The following CHMP5 variants were observed in gnomAD, a reference collection of about 807,000 sequenced individuals.
CHMP5 encodes the protein SNF7 domain containing 2.
CHMP5 carries 17 observed loss-of-function variants against 33.0 expected under a neutral mutation model. That is an observed-to-expected ratio of 0.52 (90% CI 0.35 to 0.77). CHMP5 has a LOEUF of 0.77. Among genes scored for constraint, CHMP5 ranks in the 30% least tolerant of loss-of-function variants. The probability of loss-of-function intolerance (pLI) is 0.01; values close to 1 mark genes in which losing one functional copy is unlikely to be tolerated. For synonymous variants in CHMP5, 76 were observed against 90.2 expected (o/e 0.84, Z 0.89); for missense variants, 216 against 261.5 (o/e 0.83, Z 1.20).
intron 3 of CHMP5, among the ~76,000 whole-genome samples, chr9:33,268,273 AG>A (rs1239878494): frequency 6.6e-6 from 1 of 152,212 alleles, no homozygotes; most frequent in East Asian, 1.9e-4. Context: ...CCAGATCTGT[AG>A]GGTTTGGTTT....
intron 2 of CHMP5, 55 bp downstream of exon 2, chr9:33,266,169 C>T (rs186707720): frequency 8.2e-7 from 1 of 1,226,546 alleles, no homozygotes; most frequent in Non-Finnish European, 1.2e-6. Context: ...GTTTTAGCAC[C>T]TATAGAAATA....
intron 2 of CHMP5, among the ~76,000 whole-genome samples, chr9:33,266,609 G>A (rs548002937): frequency 6.6e-6 from 1 of 152,174 alleles, no homozygotes; most frequent in Non-Finnish European, 1.5e-5. Flanking sequence ...TGGAAGGGAG[G>A]CTGGGGATTG....
chr9:33,271,453 G>A (rs1254590999), intron 5 of CHMP5, among the ~76,000 whole-genome samples: 3 of 152,190 alleles, frequency 2.0e-5, no homozygotes, highest in Non-Finnish European at 4.4e-5. Context: ...TCAACTTAAC[G>A]ATTTTTCAGT....
At chr9:33,271,023 A>G (rs886813330) in intron 4 of CHMP5, 129 bp from the exon 5 acceptor site, 2 of 712,652 alleles carry the variant, frequency 2.8e-6, no homozygotes, top group Non-Finnish European at 4.7e-6. Context: ...CGGAGGTTGC[A>G]GTGAGCCATT....
At chr9:33,265,354 C>A (rs906568064) in intron 1 of CHMP5, among the ~76,000 whole-genome samples, 2 of 152,128 alleles carry the variant, frequency 1.3e-5, no homozygotes, top group African/African-American at 4.8e-5. Context: ...AACCCCATCA[C>A]TGCCTTGCCC....
intron 6 of CHMP5, among the ~76,000 whole-genome samples, chr9:33,277,089 G>C (rs574281017): frequency 1.3e-5 from 2 of 151,520 alleles, no homozygotes; most frequent in East Asian, 1.9e-4. Flanking sequence ...CTAGCTACTC[G>C]GGAGGCTGAG....
chr9:33,269,397 G>A (rs1820766565), intron 3 of CHMP5, among the ~76,000 whole-genome samples: 1 of 152,276 alleles, frequency 6.6e-6, no homozygotes, highest in African/African-American at 2.4e-5. Context: ...CCACCTACTT[G>A]GGAGGCTGAG....
intron 3 of CHMP5, 138 bp downstream of exon 3, chr9:33,268,037 A>G (rs938612707): frequency 6.0e-6 from 4 of 666,912 alleles, no homozygotes; most frequent in African/African-American, 1.8e-5. Flanking sequence ...AATTAAATAC[A>G]GTTAGCTGGG....
Position 33,266,012 on chromosome 9 carries a change from G to A in CHMP5, c.72G>A (p.Val24=). ...TGCATTTGATATTTTCCCCTAAGGT[G>A]GACAGTAGAGCAGAATCCATTGACA... ...PPSLTDCIGT[V]DSRAESIDKK... Residue 24 remains valine (V), a splice_region_variant and synonymous_variant, in exon 2 of 8, where the codon GTG becomes GTA. Coordinates refer to ENST00000223500, the MANE Select transcript of CHMP5 (RefSeq NM_016410.6). 5 of 1,606,788 alleles carry A rather than the reference G, an allele frequency of 3.1e-6. No individual in the cohort carries two copies. Among genetic ancestry groups the A allele is most frequent in the Non-Finnish European group, 4.3e-6 (5 of 1,173,800 alleles).
chr9:33,270,525 T>G, intron 3 of CHMP5, 98 bp from the exon 4 acceptor site: 2 of 881,604 alleles, frequency 2.3e-6, no homozygotes, highest in Admixed American at 2.9e-5. Context: ...TGTTCCGTTG[T>G]TTTTTTTTTA....
Position 33,276,501 on chromosome 9 carries a change from A to G in CHMP5, c.433A>G (p.Ile145Val). Reference sequence around the variant, plus strand: ...GGATATGATGGAAGATGCAAATGAAATCCAAGAAGCACTGAGTCGCAGTTA... The same window carrying G: ...GGATATGATGGAAGATGCAAATGAAGTCCAAGAAGCACTGAGTCGCAGTTA... ...LEDMMEDANE[I>V]QEALSRSYGT... The change falls in exon 6 of 8, where the codon ATC becomes GTC. Residue 145 changes from isoleucine (I) to valine (V), a missense_variant. Coordinates refer to ENST00000223500, the MANE Select transcript of CHMP5 (RefSeq NM_016410.6). The G allele has an allele frequency of 6.2e-7, 1 of 1,612,462 alleles. No individual in the cohort carries two copies.
intron 6 of CHMP5, 66 bp from the exon 7 acceptor site, chr9:33,278,047 G>T: frequency 9.9e-7 from 1 of 1,006,060 alleles, no homozygotes; most frequent in South Asian, 1.4e-5. Flanking sequence ...CGATAAATGA[G>T]AGAAATTATT....
At chr9:33,270,593 T>C in intron 3 of CHMP5, 30 bp from the exon 4 acceptor site, 1 of 1,507,964 alleles carries the variant, frequency 6.6e-7, no homozygotes, top group Non-Finnish European at 9.2e-7. Flanking sequence ...CTGGTTCATA[T>C]ATTTGCCATT....
At chr9:33,274,906 G>A (rs183552646) in intron 5 of CHMP5, among the ~76,000 whole-genome samples, 80 of 152,260 alleles carry the variant, frequency 5.3e-4, no homozygotes, top group African/African-American at 1.8e-3. Context: ...ATGAGCCACC[G>A]CGCCTGGCCA....
chr9:33,270,324 TTGTC>T (rs1465058004), intron 3 of CHMP5, among the ~76,000 whole-genome samples: 2 of 152,202 alleles, frequency 1.3e-5, no homozygotes, highest in African/African-American at 2.4e-5. Flanking sequence ...TGTAAATACA[TTGTC>T]TGATGTTTGC....
intron 3 of CHMP5, 97 bp from the exon 4 acceptor site, chr9:33,270,524 GTT>G: frequency 1.1e-6 from 1 of 936,100 alleles, no homozygotes; most frequent in East Asian, 2.7e-5. Flanking sequence ...TTGTTCCGTT[GTT>G]TTTTTTTTAA....
chr9:33,279,010 G>A lies in CHMP5; in HGVS notation c.609+785G>A, dbSNP rs538641873. 3.9e-4 allele frequency among the ~76,000 whole-genome samples: 60 copies of A among 152,036 alleles called. 1 individual carries two copies. The highest frequency in any genetic ancestry group is 1.3e-3 in the African/African-American group (54 of 41,456). ...GTGATCTCAGCTCACTGCAACCTCC[G>A]CCCCCCTGGTTCAAGCAATCCTCGT... is the stretch of plus-strand genomic sequence containing the variant. On this transcript the variant is annotated intron_variant, in intron 7 of 7. Coordinates refer to ENST00000223500, the MANE Select transcript of CHMP5 (RefSeq NM_016410.6).
rs2118064740 is a variant in CHMP5 at position 33,281,703 on chromosome 9, T to G, written c.*844T>G. ...ACCATTTACTAACTACTGAGTAGTC[T>G]ATTCAACCTCTCTAACCTTCTGTTT... is the stretch of plus-strand genomic sequence containing the variant. On this transcript the variant is annotated 3_prime_UTR_variant, in exon 8 of 8. Coordinates refer to ENST00000223500, the MANE Select transcript of CHMP5 (RefSeq NM_016410.6). 6.6e-6 allele frequency: 1 copy of G among 152,356 alleles called. No individual in the cohort carries two copies. Among genetic ancestry groups the G allele is most frequent in the East Asian group, 1.9e-4 (1 of 5,192 alleles). The allele number at this position is 152,356 out of a possible 1,614,324, so 9.4% of individuals were successfully genotyped here. A position where few individuals can be genotyped will look rare whatever the true frequency, so the allele number is the denominator to read the frequency against.
chr9:33,265,780 A>T (rs1211403459), intron 1 of CHMP5, among the ~76,000 whole-genome samples: 1 of 152,032 alleles, frequency 6.6e-6, no homozygotes, highest in Non-Finnish European at 1.5e-5. Context: ...GCCCCAACCC[A>T]CTTGAAGGCT....
Sources: allele counts gnomAD v4.1 joint callset (sites outside exome capture counted in the v4.1 genomes callset), GRCh38; gene constraint gnomAD v4.1.1; transcripts MANE v1.5; gene names NCBI Gene and HGNC (gene_info 2026-07-23, HGNC 2026-07-21).